The following DNAJC13 variants were observed in gnomAD, a reference collection of about 807,000 sequenced individuals.
DNAJC13 encodes the protein DnaJ heat shock protein family (Hsp40) member C13.
Under a neutral mutation model 290.5 loss-of-function variants are expected in DNAJC13, and 75 were observed. The observed-to-expected ratio is 0.26, with a 90% CI of 0.21 to 0.31. DNAJC13 has a LOEUF of 0.31. DNAJC13 is among the 10% of genes least tolerant of loss of function. The pLI, the probability that DNAJC13 is intolerant of heterozygous loss-of-function variation, is 1.00. For missense variants in DNAJC13, 2,260 were observed against 2,674.5 expected (o/e 0.85, Z 3.42); for synonymous variants, 862 against 892.0 (o/e 0.97, Z 0.60).
At chr3:132,533,947 A>G (rs1252242371) in intron 55 of DNAJC13, among the ~76,000 whole-genome samples, 1 of 152,206 alleles carries the variant, frequency 6.6e-6, no homozygotes, top group Admixed American at 6.5e-5. Flanking sequence ...TATAGGCAGT[A>G]AAAAGCTTCT....
chr3:132,475,143 G>T, intron 22 of DNAJC13, 58 bp downstream of exon 22: 1 of 1,335,336 alleles, frequency 7.5e-7, no homozygotes, highest in Non-Finnish European at 9.8e-7. Flanking sequence ...TACTATTTGG[G>T]GAGTGATTTT....
intron 29 of DNAJC13, among the ~76,000 whole-genome samples, chr3:132,486,750 A>C (rs756804850): frequency 2.0e-5 from 3 of 152,130 alleles, no homozygotes; most frequent in Non-Finnish European, 4.4e-5. Context: ...GGATATCTGT[A>C]CTTCATTTGA....
chr3:132,456,415 T>G lies in DNAJC13; in HGVS notation c.1099+14T>G. 1 of 1,611,132 alleles carries G rather than the reference T, an allele frequency of 6.2e-7. No homozygotes were observed. Among genetic ancestry groups the G allele is most frequent in the Non-Finnish European group, 8.5e-7 (1 of 1,179,052 alleles). On this transcript the variant is annotated intron_variant, in intron 10 of 55. Coordinates refer to ENST00000260818, the MANE Select transcript of DNAJC13 (RefSeq NM_015268.4). ...CTACGCCTCCAAGTAAGTATTGATT[T>G]AAATGTAATTACATTTCCACTCATC...
intron 2 of DNAJC13, among the ~76,000 whole-genome samples, chr3:132,439,422 A>C (rs72992311): frequency 0.22 from 33,883 of 150,718 alleles, 4,439 homozygotes; most frequent in African/African-American, 0.37. Flanking sequence ...CTCCAGGAAT[A>C]CTGAGGGGTT....
chr3:132,512,998 TATTCTC>T lies in DNAJC13; in HGVS notation c.5294-9_5294-4del. On this transcript the variant is annotated splice_region_variant and splice_polypyrimidine_tract_variant and intron_variant, in intron 44 of 55. Transcript: ENST00000260818. Reference sequence around the variant, plus strand: ...TCCTGGAAGTAAACCATTTTATTCTTATTCTCTAGGTTCTGAGAGTGAATGCATTGG... The same window carrying T: ...TCCTGGAAGTAAACCATTTTATTCTTTAGGTTCTGAGAGTGAATGCATTGG... 4 of 1,607,940 alleles carry T rather than the reference TATTCTC, an allele frequency of 2.5e-6. No homozygotes were observed. The highest frequency in any genetic ancestry group is 2.6e-6 in the Non-Finnish European group (3 of 1,174,662).
At chr3:132,465,344 T>C (rs1379121757) in intron 17 of DNAJC13, among the ~76,000 whole-genome samples, 2 of 151,166 alleles carry the variant, frequency 1.3e-5, no homozygotes, top group South Asian at 2.1e-4. Context: ...AAATAGGGTT[T>C]CTACTTATGA....
At chr3:132,427,546 A>C (rs900749375) in intron 1 of DNAJC13, among the ~76,000 whole-genome samples, 1 of 152,246 alleles carries the variant, frequency 6.6e-6, no homozygotes, top group East Asian at 1.9e-4. Flanking sequence ...ATTCAGTTTA[A>C]GAAATATATA....
chr3:132,460,944 TTGATGTCTGACATATAGAA>T (rs1933777334), intron 14 of DNAJC13, 87 bp from the exon 15 acceptor site: 1 of 1,080,650 alleles, frequency 9.3e-7, no homozygotes, highest in African/African-American at 1.6e-5. Flanking sequence ...AAAGTCAATG[TTGATGTCTGACATATAGAA>T]TAACAGAAAG....
At chr3:132,435,202 A>G (rs952285020) in intron 2 of DNAJC13, among the ~76,000 whole-genome samples, 17 of 152,232 alleles carry the variant, frequency 1.1e-4, no homozygotes, top group African/African-American at 4.1e-4. Flanking sequence ...TAAGGATTAA[A>G]TGAAGTGATA....
chr3:132,437,071 G>A (rs916149096), intron 2 of DNAJC13, among the ~76,000 whole-genome samples: 10 of 151,606 alleles, frequency 6.6e-5, no homozygotes, highest in Non-Finnish European at 1.2e-4. Context: ...TAGAGACAGG[G>A]TTTCACCATG....
Position 132,483,365 on chromosome 3 carries a change from C to T in DNAJC13, c.2980-10C>T, listed in dbSNP as rs766071029. The T allele has an allele frequency of 6.2e-7, 1 of 1,612,604 alleles. No individual in the cohort carries two copies. Among genetic ancestry groups the T allele is most frequent in the Non-Finnish European group, 8.5e-7 (1 of 1,178,746 alleles). ...TTTGTCTGTTTGTAATAATGCCTTC[C>T]ATCCATTAGATGCAAGAATTGTGGA... is the stretch of plus-strand genomic sequence containing the variant. On this transcript the variant is annotated splice_polypyrimidine_tract_variant and intron_variant, in intron 27 of 55. Coordinates refer to ENST00000260818, the MANE Select transcript of DNAJC13 (RefSeq NM_015268.4).
rs761876022 is a variant in DNAJC13, at chr3:132,528,324, G to A, written c.6517G>A (p.Gly2173Arg). Residue 2173 changes from glycine (G) to arginine (R), a missense_variant, in exon 54 of 56, where the codon GGA becomes AGA. Transcript: ENST00000260818. ...LKAMTRSLQY[G>R]EQVNEILCRS... ...GGCAATGACTCGAAGTTTGCAGTAT[G>A]GAGAACAGGTGAGTCTGCATAGAGT... The A allele has an allele frequency of 1.2e-6, 2 of 1,614,154 alleles. No individual in the cohort carries two copies. Among genetic ancestry groups the A allele is most frequent in the Non-Finnish European group, 1.7e-6 (2 of 1,179,994 alleles).
intron 55 of DNAJC13, among the ~76,000 whole-genome samples, chr3:132,537,857 C>A (rs1016466412): frequency 6.6e-6 from 1 of 152,078 alleles, no homozygotes; most frequent in Non-Finnish European, 1.5e-5. Flanking sequence ...TTTTTCCATT[C>A]GACATAGTTC....
Position 132,429,087 on chromosome 3 carries a change from T to C in DNAJC13, c.-13-5451T>C, listed in dbSNP as rs140088304. ...AGGAAATATTTTGAAAGTTTATTTA[T>C]AGATGATAGAATATTTCAGCTTTGG... On this transcript the variant is annotated intron_variant, in intron 1 of 55. Transcript: ENST00000260818. 3.3e-4 allele frequency among the ~76,000 whole-genome samples: 51 copies of C among 152,364 alleles called. No individual in the cohort carries two copies. The East Asian group carries it at 9.8e-3, about 29-fold the overall frequency.
intron 3 of DNAJC13, among the ~76,000 whole-genome samples, chr3:132,446,984 A>T (rs1027250401): frequency 1.1e-4 from 17 of 152,118 alleles, no homozygotes; most frequent in Non-Finnish European, 1.9e-4. Context: ...ATATTCAAAG[A>T]TATTCTGGCC....
At chr3:132,425,430 T>G (rs1939064759) in intron 1 of DNAJC13, among the ~76,000 whole-genome samples, 1 of 152,190 alleles carries the variant, frequency 6.6e-6, no homozygotes, top group Non-Finnish European at 1.5e-5. Flanking sequence ...AACTTTACAT[T>G]AGATACCCAC....
intron 1 of DNAJC13, among the ~76,000 whole-genome samples, chr3:132,431,507 C>G (rs1334385209): frequency 6.6e-6 from 1 of 152,058 alleles, no homozygotes. Flanking sequence ...TATAAATATC[C>G]AGGGGGTGAG....
Position 132,525,712 on chromosome 3 carries a change from A to C in DNAJC13, c.6163A>C (p.Ile2055Leu), listed in dbSNP as rs367769510. The change falls in exon 52 of 56, where the codon ATC becomes CTC. Residue 2055 changes from isoleucine (I) to leucine (L), a missense_variant. Transcript: ENST00000260818. Reference sequence around the variant, plus strand: ...GCCATTGGGCCATCTTCCCAAAGTTATCCAGGCAATGAATCATAGGAACAA... The same window carrying C: ...GCCATTGGGCCATCTTCCCAAAGTTCTCCAGGCAATGAATCATAGGAACAA... Reference protein sequence around the residue: ...VPPLGHLPKVIQAMNHRNNAI... With the variant: ...VPPLGHLPKVLQAMNHRNNAI... 7 of 1,614,112 alleles carry C rather than the reference A, an allele frequency of 4.3e-6. No individual in the cohort carries two copies. Among genetic ancestry groups the C allele is most frequent in the Non-Finnish European group, 5.9e-6 (7 of 1,180,026 alleles).
chr3:132,483,724 A>G (rs1397374882), intron 28 of DNAJC13, 147 bp downstream of exon 28: 1 of 869,784 alleles, frequency 1.1e-6, no homozygotes. Flanking sequence ...TGAAACAGAT[A>G]TAAAGAATTT....
Sources: gnomAD v4.1 joint callset for allele counts (sites outside exome capture counted in the v4.1 genomes callset) on GRCh38, gnomAD v4.1.1 for gene constraint, MANE v1.5 for transcripts, NCBI Gene and HGNC (gene_info 2026-07-23, HGNC 2026-07-21) for gene names.